CENPW: variants seen among roughly 807,000 people sequenced by gnomAD.
CENPW encodes the protein centromere protein W, also known as cancer-up-regulated gene 2 protein.
In CENPW, 3 loss-of-function variants were observed where a neutral mutation model predicts 11.1. That is an observed-to-expected ratio of 0.27 (90% CI 0.12 to 0.70). The LOEUF is 0.70. CENPW is among the 30% of genes least tolerant of loss of function. CENPW has a pLI of 0.77. For missense variants in CENPW, 100 were observed against 105.6 expected, an observed-to-expected ratio of 0.95 and a Z score of 0.23; for synonymous variants, 38 against 42.0, an observed-to-expected ratio of 0.91 and a Z score of 0.37.
the CENPW span, among the ~76,000 whole-genome samples, chr6:126,366,090 A>G: frequency 3.9e-5 from 6 of 152,342 alleles, no homozygotes; most frequent in East Asian, 1.9e-4. Context: ...TAAGTCAACT[A>G]TGAAAATAAA....
chr6:126,454,596 CT>C, the CENPW span, among the ~76,000 whole-genome samples: 3 of 151,152 alleles, frequency 2.0e-5, no homozygotes, highest in Non-Finnish European at 4.4e-5. Context: ...GTTTGTGGCA[CT>C]TTATGCCTAT....
chr6:126,357,779 T>C, the CENPW span, among the ~76,000 whole-genome samples: 2 of 152,094 alleles, frequency 1.3e-5, no homozygotes, highest in Non-Finnish European at 2.9e-5. Context: ...TGGCTGATTT[T>C]AGTATTTTTA....
At chr6:126,381,639 G>A in the CENPW span, among the ~76,000 whole-genome samples, 1 of 152,224 alleles carries the variant, frequency 6.6e-6, no homozygotes, top group African/African-American at 2.4e-5. Flanking sequence ...CCTGCCGCCA[G>A]CCAACCAACA....
the CENPW span, among the ~76,000 whole-genome samples, chr6:126,435,175 C>G: frequency 6.6e-6 from 1 of 151,950 alleles, no homozygotes; most frequent in Non-Finnish European, 1.5e-5. Flanking sequence ...AAACATACAA[C>G]TTATTTAATG....
chr6:126,353,367 A>C (rs1780513032), downstream of CENPW, among the ~76,000 whole-genome samples: 1 of 151,940 alleles, frequency 6.6e-6, no homozygotes, highest in African/African-American at 2.4e-5. Context: ...TCAGATAGGA[A>C]AGTCTAGATT....
the CENPW span, among the ~76,000 whole-genome samples, chr6:126,367,050 T>G: frequency 2.0e-5 from 3 of 152,306 alleles, no homozygotes; most frequent in South Asian, 6.2e-4. Flanking sequence ...TTCCAACACA[T>G]GCATTTTGGG....
chr6:126,368,843 C>T, the CENPW span, among the ~76,000 whole-genome samples: 1 of 152,068 alleles, frequency 6.6e-6, no homozygotes, highest in Non-Finnish European at 1.5e-5. Flanking sequence ...GACGGGATTT[C>T]ACTGTGTTAG....
chr6:126,377,108 T>C, the CENPW span, among the ~76,000 whole-genome samples: 4 of 152,062 alleles, frequency 2.6e-5, no homozygotes, highest in African/African-American at 9.6e-5. Flanking sequence ...GTGTGGAGAG[T>C]AGAGAGTAGG....
chr6:126,346,702 A>G (rs1240327546), intron 2 of CENPW, among the ~76,000 whole-genome samples: 1 of 152,196 alleles, frequency 6.6e-6, no homozygotes, highest in East Asian at 1.9e-4. Flanking sequence ...TGGGTTATTT[A>G]TAAAGGAAAG....
At chr6:126,474,316 T>C in the CENPW span, among the ~76,000 whole-genome samples, 1 of 152,186 alleles carries the variant, frequency 6.6e-6, no homozygotes. Context: ...GTTTTGTTTT[T>C]ACATTTCTTG....
At chr6:126,460,063 GA>G in the CENPW span, among the ~76,000 whole-genome samples, 8 of 151,272 alleles carry the variant, frequency 5.3e-5, no homozygotes, top group African/African-American at 1.7e-4. Flanking sequence ...AAATTGGGGG[GA>G]AAATATACTC....
At chr6:126,480,576 A>C in the CENPW span, among the ~76,000 whole-genome samples, 4 of 152,038 alleles carry the variant, frequency 2.6e-5, no homozygotes. Flanking sequence ...TGTTATTGAC[A>C]GGTCACCTCA....
the CENPW span, among the ~76,000 whole-genome samples, chr6:126,478,410 A>C: frequency 3.4e-5 from 5 of 146,804 alleles, no homozygotes; most frequent in East Asian, 2.0e-4. Flanking sequence ...GTCTCTCTTT[A>C]TCTCTCTCTC....
chr6:126,361,274 A>T, the CENPW span, among the ~76,000 whole-genome samples: 1 of 152,040 alleles, frequency 6.6e-6, no homozygotes, highest in Non-Finnish European at 1.5e-5. Flanking sequence ...CTTAATCAAG[A>T]TGTGTGGCTC....
chr6:126,417,042 G>A, the CENPW span, among the ~76,000 whole-genome samples: 1 of 152,200 alleles, frequency 6.6e-6, no homozygotes, highest in Non-Finnish European at 1.5e-5. Context: ...AAGCAGCTGG[G>A]AAGGAGGATG....
the CENPW span, among the ~76,000 whole-genome samples, chr6:126,447,030 T>C: frequency 1.3e-5 from 2 of 151,108 alleles, no homozygotes; most frequent in Non-Finnish European, 3.0e-5. Flanking sequence ...ACTAGAAAAT[T>C]TGTAACAGCT....
the CENPW span, among the ~76,000 whole-genome samples, chr6:126,422,119 T>C: frequency 6.6e-6 from 1 of 152,150 alleles, no homozygotes; most frequent in African/African-American, 2.4e-5. Flanking sequence ...TGTATGTGCA[T>C]GTGTGTACGT....
chr6:126,406,367 G>A, the CENPW span, among the ~76,000 whole-genome samples: 1 of 151,894 alleles, frequency 6.6e-6, no homozygotes, highest in South Asian at 2.1e-4. Flanking sequence ...GAGATATTTT[G>A]GATCTATGTT....
the CENPW span, among the ~76,000 whole-genome samples, chr6:126,477,772 G>A: frequency 2.0e-5 from 3 of 152,000 alleles, no homozygotes; most frequent in African/African-American, 7.2e-5. Context: ...TCAGCAAATT[G>A]TCTTGCTATC....
Sources: allele counts gnomAD v4.1 joint callset (sites outside exome capture counted in the v4.1 genomes callset), GRCh38; gene constraint gnomAD v4.1.1; transcripts MANE v1.5; gene names NCBI Gene and HGNC (gene_info 2026-07-23, HGNC 2026-07-21).